Variants in HK1 observed in about 807,000 individuals in gnomAD.
The protein encoded by HK1 is hexokinase 1.
In HK1, 28 loss-of-function variants were observed where a neutral mutation model predicts 91.6. That is an observed-to-expected ratio of 0.31 (90% CI 0.23 to 0.42). The LOEUF is 0.42. HK1 is among the 10% of genes least tolerant of loss of function. The pLI is 1.00. For missense variants in HK1, 770 were observed against 1,219.8 expected (o/e 0.63, Z 5.49); for synonymous variants, 430 against 468.1 (o/e 0.92, Z 1.05).
At chr10:69,329,105 T>C (rs527280824) in intron 1 of HK1, among the ~76,000 whole-genome samples, 1 of 152,298 alleles carries the variant, frequency 6.6e-6, no homozygotes, top group African/African-American at 2.4e-5. Flanking sequence ...TTATGAATAA[T>C]GCTGCTCTGA....
At chr10:69,286,829 T>C (rs1031068588) in intron 2 of HK1, among the ~76,000 whole-genome samples, 20 of 152,170 alleles carry the variant, frequency 1.3e-4, no homozygotes, top group African/African-American at 4.3e-4. Flanking sequence ...ATTACAGGCA[T>C]GGGCCACCTC....
chr10:69,349,837 C>G (rs919940202), intron 2 of HK1, among the ~76,000 whole-genome samples: 1 of 152,286 alleles, frequency 6.6e-6, no homozygotes, highest in Admixed American at 6.5e-5. Flanking sequence ...ACCTGGAAAC[C>G]TTCTGGTTGT....
intron 2 of HK1, among the ~76,000 whole-genome samples, chr10:69,357,809 A>G (rs1237830384): frequency 6.6e-6 from 1 of 152,142 alleles, no homozygotes; most frequent in East Asian, 1.9e-4. Flanking sequence ...TAGCAACAGA[A>G]AATAGATTAG....
chr10:69,290,684 G>C (rs1448911838), intron 3 of HK1, among the ~76,000 whole-genome samples: 1 of 152,120 alleles, frequency 6.6e-6, no homozygotes, highest in Non-Finnish European at 1.5e-5. Flanking sequence ...ATTTTTAGTA[G>C]AGACGGGGTT....
chr10:69,303,815 T>C (rs756211972), intron 5 of HK1, among the ~76,000 whole-genome samples: 5 of 151,904 alleles, frequency 3.3e-5, no homozygotes, highest in African/African-American at 4.8e-5. Context: ...GAGACTGGGG[T>C]TTTACTATTA....
intron 2 of HK1, among the ~76,000 whole-genome samples, chr10:69,349,320 A>T (rs759393055): frequency 6.6e-6 from 1 of 152,110 alleles, no homozygotes; most frequent in Non-Finnish European, 1.5e-5. Flanking sequence ...TCCCTGCCCC[A>T]CCTGCCTCAC....
chr10:69,317,850 G>A (rs1846729866), upstream of HK1, among the ~76,000 whole-genome samples: 1 of 152,216 alleles, frequency 6.6e-6, no homozygotes, highest in Non-Finnish European at 1.5e-5. Context: ...AAAGCTCCTG[G>A]AGGCTTCCGG....
At chr10:69,278,291 C>A (rs1844564122) in intron 1 of HK1, among the ~76,000 whole-genome samples, 2 of 152,208 alleles carry the variant, frequency 1.3e-5, no homozygotes, top group Admixed American at 1.3e-4. Flanking sequence ...GGCTGGCTTT[C>A]CTTGAGAATA....
rs60324656 is a variant in HK1 at position 69,276,090 on chromosome 10, CAAAAAAAAAAAAAAAAA to C, written c.-391+5995_-391+6011del. Among the ~76,000 whole-genome samples the C allele has an allele frequency of 7.5e-4, 12 of 15,932 alleles. 1 individual carries two copies. In the Admixed American group the frequency reaches 0.016, roughly 21 times the overall value. 10.5% of individuals were successfully genotyped at this position (15,932 alleles called of 152,430 possible). A position where few individuals can be genotyped will look rare whatever the true frequency, so the allele number is the denominator to read the frequency against. On this transcript the variant is annotated intron_variant, in intron 1 of 21. Transcript: ENST00000360289. ...GGGCAGCAAGAGCAAAACTCCTTTT[CAAAAAAAAAAAAAAAAA>C]AAAAAAAAAAAATACATATATATAT...
chr10:69,379,801 C>T, intron 8 of HK1, 61 bp from the exon 9 acceptor site: 12 of 1,195,530 alleles, frequency 1.0e-5, no homozygotes, highest in Non-Finnish European at 1.5e-5. Flanking sequence ...CTTTGAGCCT[C>T]AGTGCTTTGC....
intron 3 of HK1, among the ~76,000 whole-genome samples, chr10:69,362,679 T>TTCTACAGGC (rs1226303433): frequency 1.6e-4 from 24 of 152,162 alleles, no homozygotes; most frequent in African/African-American, 5.6e-4. Flanking sequence ...GGGAATCCAT[T>TTCTACAGGC]TGAGTTCTGC....
rs1840386213 is a variant in HK1 at position 69,401,422 on chromosome 10, A to G, written c.*287A>G. ...GTGTAGTGGCATCCATTTCTAATGT[A>G]TGCATTCATCCAACAGAGTTATTTA... On this transcript the variant is annotated 3_prime_UTR_variant, in exon 18 of 18. Transcript: ENST00000359426. The G allele has an allele frequency of 3.9e-6, 2 of 518,258 alleles. No homozygotes were observed. Among genetic ancestry groups the G allele is most frequent in the African/African-American group, 1.9e-5 (1 of 51,962 alleles). 32.1% of individuals were successfully genotyped at this position (518,258 alleles called of 1,614,324 possible). A position where few individuals can be genotyped will look rare whatever the true frequency, so the allele number is the denominator to read the frequency against.
chr10:69,276,108 A>ATATATATAT (rs1352397297), intron 1 of HK1, among the ~76,000 whole-genome samples: 9 of 48,972 alleles, frequency 1.8e-4, no homozygotes, highest in Non-Finnish European at 3.2e-4. Flanking sequence ...AAAAAAAAAA[A>ATATATATAT]AAAAAAAAAA....
chr10:69,387,227 C>T (rs1447708159), intron 13 of HK1, among the ~76,000 whole-genome samples: 1 of 152,192 alleles, frequency 6.6e-6, no homozygotes, highest in Non-Finnish European at 1.5e-5. Context: ...TTTAAACCTT[C>T]CCCCAAACCA....
rs769488253 is a variant in HK1, at chr10:69,379,813, C to G, written c.1032-49C>G. The G allele has an allele frequency of 2.9e-5, 39 of 1,333,882 alleles. No individual in the cohort carries two copies. The South Asian group carries it at 4.6e-4, about 16-fold the overall frequency. The allele number at this position is 1,333,882 out of a possible 1,614,324, so 82.6% of individuals were successfully genotyped here. ...CACCTTTGAGCCTCAGTGCTTTGCA[C>G]TGCCTCATGTGGTCCTCAGTGCATC... On this transcript the variant is annotated intron_variant, in intron 8 of 17. Transcript: ENST00000359426.
intron 1 of HK1, among the ~76,000 whole-genome samples, chr10:69,335,622 A>C (rs6480402): frequency 0.35 from 53,537 of 152,096 alleles, 11,101 homozygotes; most frequent in African/African-American, 0.57. Context: ...CCTCCTGGCC[A>C]CTCATTCTTG....
At chr10:69,389,371 A>C in intron 14 of HK1, 75 bp downstream of exon 14, 1 of 923,366 alleles carries the variant, frequency 1.1e-6, no homozygotes, top group Non-Finnish European at 1.6e-6. Context: ...GCCTTGGCCC[A>C]GCAGCTTGGT....
chr10:69,301,081 A>G (rs113256529), intron 5 of HK1, among the ~76,000 whole-genome samples: 2,700 of 151,928 alleles, frequency 0.018, 46 homozygotes, highest in East Asian at 0.087. Context: ...CCCAGTCTCT[A>G]CTAAAAATAC....
At chr10:69,331,677 T>A (rs970163596) in intron 1 of HK1, among the ~76,000 whole-genome samples, 1 of 151,872 alleles carries the variant, frequency 6.6e-6, no homozygotes, top group African/African-American at 2.4e-5. Context: ...GAGCTTGAGA[T>A]CAGCCAGGGC....
Sources: allele counts gnomAD v4.1 joint callset (sites outside exome capture counted in the v4.1 genomes callset), GRCh38; gene constraint gnomAD v4.1.1; transcripts MANE v1.5; gene names NCBI Gene and HGNC (gene_info 2026-07-23, HGNC 2026-07-21).